VPS13D: variants seen among roughly 807,000 people sequenced by gnomAD.
VPS13D encodes intermembrane lipid transfer protein VPS13D.
In VPS13D, 187 loss-of-function variants were observed where a neutral mutation model predicts 461.9. The ratio of observed to expected loss-of-function variants is 0.40; its 90% CI spans 0.36 to 0.46. The LOEUF (loss-of-function observed/expected upper bound fraction) is 0.46. Among genes scored for constraint, VPS13D ranks in the 20% least tolerant of loss-of-function variants. The pLI is 0.60. For synonymous variants in VPS13D, 1,951 were observed against 1,986.3 expected, an observed-to-expected ratio of 0.98 and a Z score of 0.47; for missense variants, 4,711 against 5,364.9, an observed-to-expected ratio of 0.88 and a Z score of 3.81.
intron 50 of VPS13D, among the ~76,000 whole-genome samples, 186 bp downstream of exon 50, chr1:12,358,787 TGAG>T (rs1402391512): frequency 3.3e-5 from 5 of 152,178 alleles, no homozygotes; most frequent in African/African-American, 1.2e-4. Flanking sequence ...CCTGGGGATC[TGAG>T]GAGCCACCTA....
chr1:12,467,844 G>A (rs186106826), intron 67 of VPS13D, among the ~76,000 whole-genome samples: 7 of 152,014 alleles, frequency 4.6e-5, no homozygotes, highest in East Asian at 1.9e-4. Flanking sequence ...AAAGGAGAGC[G>A]TCTAATTTTT....
chr1:12,345,344 TA>T, intron 42 of VPS13D, 29 bp from the exon 43 acceptor site: 1 of 1,592,124 alleles, frequency 6.3e-7, no homozygotes, highest in South Asian at 1.1e-5. Context: ...AGATTGTGCC[TA>T]ATATCTTTTT....
Position 12,329,810 on chromosome 1 carries a change from AGGTTTGCTTTC to A in VPS13D, c.8198-18_8198-8del. 1.2e-6 allele frequency: 2 copies of A among 1,612,294 alleles called. No individual in the cohort carries two copies. Among genetic ancestry groups the A allele is most frequent in the Non-Finnish European group, 1.7e-6 (2 of 1,178,676 alleles). ...TTGCTCCTGCCCTGCCGCTGCAGTA[AGGTTTGCTTTC>A]ATTGCAGGTCTGAATTTTCTTCAGC... is the stretch of plus-strand genomic sequence containing the variant. On this transcript the variant is annotated splice_polypyrimidine_tract_variant and splice_region_variant and intron_variant, in intron 36 of 69. Coordinates refer to ENST00000620676, the MANE Select transcript of VPS13D (RefSeq NM_015378.4).
At chr1:12,273,650 A>G (rs1179399320) in intron 18 of VPS13D, among the ~76,000 whole-genome samples, 2 of 152,158 alleles carry the variant, frequency 1.3e-5, no homozygotes, top group Non-Finnish European at 2.9e-5. Context: ...GAATAATGCC[A>G]TATGTGGCCT....
chr1:12,256,298 A>G (rs772408835), intron 7 of VPS13D, 35 bp from the exon 8 acceptor site: 42 of 1,598,328 alleles, frequency 2.6e-5, no homozygotes, highest in Middle Eastern at 4.2e-4. Flanking sequence ...AAGGAAAGCC[A>G]TTCGGAGCAG....
chr1:12,290,128 G>C (rs193233056), intron 22 of VPS13D, among the ~76,000 whole-genome samples: 1 of 151,940 alleles, frequency 6.6e-6, no homozygotes, highest in Non-Finnish European at 1.5e-5. Flanking sequence ...CATTCTAGTC[G>C]TACATGTTTC....
At chr1:12,381,922 T>TTTTCTTTCC (rs1553185974) in intron 57 of VPS13D, among the ~76,000 whole-genome samples, 16 of 101,168 alleles carry the variant, frequency 1.6e-4, no homozygotes, top group Non-Finnish European at 3.1e-4. Context: ...CTTTCTTTTC[T>TTTTCTTTCC]TTTCTTTCTT....
At chr1:12,315,796 TG>T (rs1365078477) in intron 30 of VPS13D, among the ~76,000 whole-genome samples, 3 of 152,208 alleles carry the variant, frequency 2.0e-5, no homozygotes, top group African/African-American at 7.2e-5. Context: ...GGCTGGCATC[TG>T]TTTGTTCCAT....
chr1:12,292,514 A>T (rs1468765255), intron 23 of VPS13D, among the ~76,000 whole-genome samples: 1 of 140,056 alleles, frequency 7.1e-6, no homozygotes, highest in African/African-American at 2.7e-5. Context: ...ATCTCAGCTC[A>T]TTGCAACCTC....
chr1:12,457,269 C>T (rs1481238788), intron 66 of VPS13D, among the ~76,000 whole-genome samples: 1 of 152,228 alleles, frequency 6.6e-6, no homozygotes, highest in Non-Finnish European at 1.5e-5. Context: ...CAAGTCCTTG[C>T]TCACACATGG....
At chr1:12,260,869 T>C in intron 11 of VPS13D, 75 bp downstream of exon 11, 1 of 1,610,536 alleles carries the variant, frequency 6.2e-7, no homozygotes, top group South Asian at 1.1e-5. Context: ...GTGCTTGTGC[T>C]CCTGTGGGGA....
At chr1:12,350,708 A>G (rs2101592140) in intron 46 of VPS13D, among the ~76,000 whole-genome samples, 1 of 152,328 alleles carries the variant, frequency 6.6e-6, no homozygotes, top group Non-Finnish European at 1.5e-5. Flanking sequence ...TAGGAAAAGG[A>G]AACAATAAAA....
At chr1:12,238,716 C>T (rs767546047) in intron 2 of VPS13D, among the ~76,000 whole-genome samples, 1 of 151,322 alleles carries the variant, frequency 6.6e-6, no homozygotes, top group East Asian at 1.9e-4. Context: ...CCTGCAGCCT[C>T]GAACTTTTGG....
intron 47 of VPS13D, among the ~76,000 whole-genome samples, chr1:12,355,450 G>C (rs1213914018): frequency 6.6e-6 from 1 of 152,162 alleles, no homozygotes; most frequent in Non-Finnish European, 1.5e-5. Flanking sequence ...AATTAGAAAC[G>C]ATGAATGTTT....
chr1:12,504,142 G>GT (rs1646072632), intron 68 of VPS13D, among the ~76,000 whole-genome samples: 1 of 151,870 alleles, frequency 6.6e-6, no homozygotes. Context: ...GGCAGATTTT[G>GT]TAAAAAAAAG....
At position 12,349,200 on chromosome 1, in the gene VPS13D, C is replaced by T. The variant is rs753255422; in HGVS notation, c.9257C>T (p.Ser3086Leu). 9 of 1,613,934 alleles carry T rather than the reference C, an allele frequency of 5.6e-6. No individual in the cohort carries two copies. The highest frequency in any genetic ancestry group is 2.2e-5 in the East Asian group (1 of 44,892). Residue 3086 changes from serine to leucine, a missense_variant, in exon 46 of 70, where the codon TCG (serine) becomes TTG (leucine). Physicochemically the swap from Ser to Leu is moderately radical, Grantham distance 145 (BLOSUM62 -2). Coordinates refer to ENST00000620676, the MANE Select transcript of VPS13D (RefSeq NM_015378.4). ...CTTCCTGCTATCATGCCAGGGGATT[C>T]GTTTGCTGTGCCTTTACACCTCACT... is the stretch of plus-strand genomic sequence containing the variant. Reference protein sequence around the residue: ...VVLPAIMPGDSFAVPLHLTSW... With the variant: ...VVLPAIMPGDLFAVPLHLTSW...
chr1:12,318,464 C>A, intron 31 of VPS13D, 127 bp downstream of exon 31: 1 of 1,227,542 alleles, frequency 8.1e-7, no homozygotes, highest in Non-Finnish European at 1.1e-6. Context: ...GCCTCTTTTA[C>A]AGACCTGCAA....
intron 66 of VPS13D, among the ~76,000 whole-genome samples, chr1:12,456,714 A>T (rs950373558): frequency 3.0e-4 from 46 of 151,804 alleles, no homozygotes; most frequent in African/African-American, 1.1e-3. Flanking sequence ...TAGCCTTCCA[A>T]GCTCTCTTAC....
rs2100577710 is a variant in VPS13D, at chr1:12,511,417, C to T, written c.*2393C>T. The stretch of plus-strand genomic sequence containing the variant: ...GGGCATTTGACATCCCCTCCTGGTT[C>T]TCACCAGGAAAACATCCAAAGCTTT... On this transcript the variant is annotated 3_prime_UTR_variant, in exon 70 of 70. Coordinates refer to ENST00000620676, the MANE Select transcript of VPS13D (RefSeq NM_015378.4). The surrounding 1 kb of genome is among the most constrained non-coding windows in gnomAD (Gnocchi z 4.5). 6.6e-6 allele frequency: 1 copy of T among 152,306 alleles called. No individual in the cohort carries two copies. Among genetic ancestry groups the T allele is most frequent in the Middle Eastern group, 3.4e-3 (1 of 296 alleles). 9.4% of individuals were successfully genotyped at this position (152,306 alleles called of 1,614,324 possible). A position where few individuals can be genotyped will look rare whatever the true frequency, so the allele number is the denominator to read the frequency against.
Sources: allele counts gnomAD v4.1 joint callset (sites outside exome capture counted in the v4.1 genomes callset), GRCh38; gene constraint gnomAD v4.1.1; non-coding constraint Gnocchi (gnomAD v3.1); transcripts MANE v1.5; gene names NCBI Gene and HGNC (gene_info 2026-07-23, HGNC 2026-07-21).